NR2F1-AS1: variants seen among roughly 807,000 people sequenced by gnomAD.
NR2F1-AS1 encodes the protein NR2F1 antisense RNA 1.
At chr5:93,492,488 T>C (rs1750872156) in intron 4 of NR2F1-AS1, among the ~76,000 whole-genome samples, 1 of 152,168 alleles carries the variant, frequency 6.6e-6, no homozygotes, top group South Asian at 2.1e-4. Context: ...TTAACACCAT[T>C]CCTTCTCAAA....
chr5:93,421,223 C>T lies in NR2F1-AS1; in HGVS notation n.639-25681G>A, dbSNP rs1749081412. Reference sequence around the variant, plus strand: ...GATTCCTAGTCTACAAGTCTGGCTCCATACTTTTAACTGATGGAGACCGAA... The same window carrying T: ...GATTCCTAGTCTACAAGTCTGGCTCTATACTTTTAACTGATGGAGACCGAA... On this transcript the variant is annotated intron_variant and non_coding_transcript_variant, in intron 4 of 5. Coordinates refer to ENST00000660523, the Ensembl canonical transcript of NR2F1-AS1. 2.0e-5 allele frequency among the ~76,000 whole-genome samples: 3 copies of T among 152,242 alleles called. No homozygotes were observed. The South Asian group carries it at 6.2e-4, about 32-fold the overall frequency.
rs190880448 is a variant in NR2F1-AS1 at position 93,487,880 on chromosome 5, T to C, written n.638+65881A>G. On this transcript the variant is annotated intron_variant and non_coding_transcript_variant, in intron 4 of 5. Coordinates refer to ENST00000660523, the Ensembl canonical transcript of NR2F1-AS1. ...TACAGTATTCAAAACAGCATGGTACTGGTACCAAAACATATATAGACCAAT... is the reference window on the plus strand; with the variant it reads ...TACAGTATTCAAAACAGCATGGTACCGGTACCAAAACATATATAGACCAAT... Among the ~76,000 whole-genome samples, 35 of 152,308 alleles carry C rather than the reference T, an allele frequency of 2.3e-4. No homozygotes were observed. In the East Asian group the frequency reaches 6.4e-3, roughly 28 times the overall value.
chr5:93,486,132 AG>A (rs1750711395), intron 4 of NR2F1-AS1, among the ~76,000 whole-genome samples: 1 of 102,268 alleles, frequency 9.8e-6, no homozygotes, highest in Admixed American at 1.1e-4. Flanking sequence ...GGGAGGGGGG[AG>A]GGATAGCACT....
At chr5:93,537,899 T>C (rs532945411) in intron 4 of NR2F1-AS1, among the ~76,000 whole-genome samples, 5 of 152,176 alleles carry the variant, frequency 3.3e-5, no homozygotes, top group African/African-American at 9.7e-5. Flanking sequence ...TGTCTGGAAT[T>C]TGCACATTTT....
chr5:93,495,292 C>T (rs1750936206), intron 4 of NR2F1-AS1, among the ~76,000 whole-genome samples: 1 of 151,940 alleles, frequency 6.6e-6, no homozygotes, highest in Admixed American at 6.6e-5. Flanking sequence ...CTTTTCCATA[C>T]TTTATTCTGT....
chr5:93,437,831 T>C (rs1749475720), intron 4 of NR2F1-AS1, among the ~76,000 whole-genome samples: 1 of 152,246 alleles, frequency 6.6e-6, no homozygotes, highest in Non-Finnish European at 1.5e-5. Context: ...CTATAAACAC[T>C]ATACCAAATA....
chr5:93,421,912 C>T (rs776342469), intron 4 of NR2F1-AS1, among the ~76,000 whole-genome samples: 12 of 152,156 alleles, frequency 7.9e-5, no homozygotes, highest in Non-Finnish European at 1.6e-4. Flanking sequence ...AATATGGAGG[C>T]TTCTGGAACC....
At chr5:93,517,740 T>G (rs1194489784) in intron 4 of NR2F1-AS1, among the ~76,000 whole-genome samples, 1 of 152,104 alleles carries the variant, frequency 6.6e-6, no homozygotes, top group Non-Finnish European at 1.5e-5. Flanking sequence ...AAAACTTTAA[T>G]GTAATAACTA....
At chr5:93,570,749 C>A (rs899243275) in intron 1 of NR2F1-AS1, 3 of 152,390 alleles carry the variant, frequency 2.0e-5, no homozygotes, top group Non-Finnish European at 2.9e-5. Context: ...TGCGCAGATA[C>A]CGCGGCCCGG....
intron 4 of NR2F1-AS1, among the ~76,000 whole-genome samples, chr5:93,502,839 T>C (rs1751112417): frequency 6.6e-6 from 1 of 152,196 alleles, no homozygotes; most frequent in African/African-American, 2.4e-5. Context: ...ATAGTGTAAT[T>C]GCTAAGAAAT....
chr5:93,500,013 C>T (rs940947365), intron 4 of NR2F1-AS1, among the ~76,000 whole-genome samples: 2 of 152,104 alleles, frequency 1.3e-5, no homozygotes, highest in East Asian at 1.9e-4. Context: ...GGTTGGTTCA[C>T]GAGGTTTAAC....
intron 4 of NR2F1-AS1, among the ~76,000 whole-genome samples, chr5:93,460,434 T>C (rs1750063458): frequency 6.6e-6 from 1 of 152,204 alleles, no homozygotes; most frequent in Non-Finnish European, 1.5e-5. Flanking sequence ...GCATGGAAGT[T>C]ACAGAAAGAG....
At chr5:93,571,280 A>T (rs1488114985) in intron 1 of NR2F1-AS1, 2 of 151,926 alleles carry the variant, frequency 1.3e-5, no homozygotes, top group Non-Finnish European at 2.9e-5. Flanking sequence ...GGAGTTGCTG[A>T]CCAAGGAAAG....
intron 4 of NR2F1-AS1, among the ~76,000 whole-genome samples, chr5:93,457,605 C>T (rs1267919187): frequency 6.6e-6 from 1 of 152,092 alleles, no homozygotes; most frequent in Admixed American, 6.5e-5. Context: ...TTGACAAAAC[C>T]ACCATTGTCA....
intron 4 of NR2F1-AS1, among the ~76,000 whole-genome samples, chr5:93,422,988 T>G (rs1445922507): frequency 6.6e-6 from 1 of 152,112 alleles, no homozygotes; most frequent in Non-Finnish European, 1.5e-5. Flanking sequence ...CCGGGCCAGC[T>G]GGGTGAGGGG....
At chr5:93,413,063 G>GGTGT (rs71613591) in intron 4 of NR2F1-AS1, among the ~76,000 whole-genome samples, 3,697 of 139,230 alleles carry the variant, frequency 0.027, 51 homozygotes, top group East Asian at 0.034. Context: ...ATAGCACTAT[G>GGTGT]GTGTGTGTGT....
intron 4 of NR2F1-AS1, among the ~76,000 whole-genome samples, chr5:93,454,564 G>T (rs1012660210): frequency 3.3e-5 from 5 of 152,142 alleles, no homozygotes; most frequent in Non-Finnish European, 7.4e-5. Flanking sequence ...TTTCCTAAGT[G>T]ATAGTAGCAT....
intron 1 of NR2F1-AS1, among the ~76,000 whole-genome samples, chr5:93,566,123 TA>T (rs1752612385): frequency 6.6e-6 from 1 of 151,980 alleles, no homozygotes; most frequent in Non-Finnish European, 1.5e-5. Context: ...AACCTATGTG[TA>T]AAAACTAAGT....
intron 4 of NR2F1-AS1, among the ~76,000 whole-genome samples, chr5:93,550,328 G>T (rs886771533): frequency 6.6e-6 from 1 of 152,068 alleles, no homozygotes; most frequent in Non-Finnish European, 1.5e-5. Context: ...CAAGATTCAG[G>T]TCACTATGGG....
Sources: gnomAD v4.1 joint callset for allele counts (sites outside exome capture counted in the v4.1 genomes callset) on GRCh38, gnomAD v4.1.1 for gene constraint, MANE v1.5 for transcripts, NCBI Gene and HGNC (gene_info 2026-07-23, HGNC 2026-07-21) for gene names.